The following PLEKHG4B variants were observed in gnomAD, a reference collection of about 807,000 sequenced individuals.
PLEKHG4B encodes pleckstrin homology domain-containing family G member 4B.
A neutral mutation model predicts 121.3 loss-of-function variants in PLEKHG4B; 111 were observed. That is an observed-to-expected ratio of 0.92 (90% CI 0.78 to 1.07). The LOEUF is 1.07. PLEKHG4B is among the 50% of genes least tolerant of loss of function. The pLI, the probability that PLEKHG4B is intolerant of heterozygous loss-of-function variation, is 0.00. For synonymous variants in PLEKHG4B, 738 were observed against 725.0 expected, an observed-to-expected ratio of 1.02 and a Z score of -0.29; for missense variants, 1,831 against 1,757.8, an observed-to-expected ratio of 1.04 and a Z score of -0.74.
In PLEKHG4B at chr5:135,683, ATATATATATAT is replaced by A. The variant is rs1183537648; in HGVS notation, c.244-3799_244-3789del. Among the ~76,000 whole-genome samples, 75 of 16,106 alleles carry A rather than the reference ATATATATATAT, an allele frequency of 4.7e-3. 3 individuals are homozygous for A. The highest frequency in any genetic ancestry group is 0.042 in the Middle Eastern group (1 of 24). The allele number at this position is 16,106 out of a possible 152,430, so 10.6% of individuals were successfully genotyped here. A position where few individuals can be genotyped will look rare whatever the true frequency, so the allele number is the denominator to read the frequency against. ...TCCATCTCAAAAAAAAAAAAAAAAA[ATATATATATAT>A]ATATATATATATATATATATATATA... On this transcript the variant is annotated intron_variant, in intron 2 of 19. Coordinates refer to ENST00000637938, the MANE Select transcript of PLEKHG4B (RefSeq NM_052909.5).
At chr5:121,910 G>T (rs1734481317) in intron 2 of PLEKHG4B, among the ~76,000 whole-genome samples, 1 of 151,568 alleles carries the variant, frequency 6.6e-6, no homozygotes. Flanking sequence ...TACAAGAAAG[G>T]CTAAATACGT....
At chr5:95,330 C>T (rs914685956) in intron 1 of PLEKHG4B, among the ~76,000 whole-genome samples, 1 of 152,048 alleles carries the variant, frequency 6.6e-6, no homozygotes, top group Admixed American at 6.6e-5. Flanking sequence ...ACCCTGTGCC[C>T]GCCCACATCC....
At chr5:152,015 C>T (rs558088824) in intron 7 of PLEKHG4B, among the ~76,000 whole-genome samples, 21 of 152,292 alleles carry the variant, frequency 1.4e-4, no homozygotes, top group African/African-American at 5.1e-4. Context: ...CATCATAATT[C>T]AGATCATTGT....
At chr5:103,852 T>G (rs1469437758) in intron 1 of PLEKHG4B, among the ~76,000 whole-genome samples, 1 of 152,246 alleles carries the variant, frequency 6.6e-6, no homozygotes, top group African/African-American at 2.4e-5. Flanking sequence ...CTTAACTAAC[T>G]TCTTTCCTGT....
Position 156,199 on chromosome 5 carries a change from A to C in PLEKHG4B, c.2337A>C (p.Thr779=). The change falls in exon 10 of 20, where the codon ACA becomes ACC. Residue 779 remains threonine (T), a synonymous_variant. Transcript: ENST00000637938. The surrounding 1 kb of genome is among the most constrained non-coding windows in gnomAD (Gnocchi z 4.4). ...GGCTGAGGAGAGAAGAGCTTGGCAC[A>C]GAAGACAGCCGGTGAGCGCTCACAG... The part of the protein sequence containing the change: ...LARLRREELG[T]EDSRDTLEAA... 1 of 1,535,848 alleles carries C rather than the reference A, an allele frequency of 6.5e-7. No individual in the cohort carries two copies. Among genetic ancestry groups the C allele is most frequent in the Non-Finnish European group, 8.8e-7 (1 of 1,138,428 alleles).
chr5:121,202 G>A (rs926023638), intron 2 of PLEKHG4B, among the ~76,000 whole-genome samples: 4 of 151,722 alleles, frequency 2.6e-5, no homozygotes, highest in East Asian at 1.9e-4. Context: ...AGCCGAGATC[G>A]TGCCACTGCA....
rs1736040458 is a variant in PLEKHG4B at position 162,292 on chromosome 5, TGCGAGCTCCCCC to T, written c.2649+352_2649+363del. On this transcript the variant is annotated intron_variant, in intron 12 of 19. Coordinates refer to ENST00000637938, the MANE Select transcript of PLEKHG4B (RefSeq NM_052909.5). ...TCCCACGCGCCCCAGACCGCACGCC[TGCGAGCTCCCCC>T]GCGCCGGGGACTGCCTGCCATTAGG... 2.7e-4 allele frequency among the ~76,000 whole-genome samples: 32 copies of T among 118,198 alleles called. 1 individual carries two copies. In the South Asian group the frequency reaches 7.4e-3, roughly 27 times the overall value. The allele number at this position is 118,198 out of a possible 152,430, so 77.5% of individuals were successfully genotyped here.
intron 1 of PLEKHG4B, among the ~76,000 whole-genome samples, chr5:111,753 A>C (rs1344215088): frequency 6.6e-6 from 1 of 152,042 alleles, no homozygotes; most frequent in African/African-American, 2.4e-5. Context: ...AGGCCATTCG[A>C]GATGCCTCTC....
At position 143,213 on chromosome 5, in the gene PLEKHG4B, C is replaced by T. The variant is rs571906695; in HGVS notation, c.1644C>T (p.Asp548=). The T allele has an allele frequency of 1.9e-5, 31 of 1,611,156 alleles. No homozygotes were observed. The East Asian group carries it at 4.0e-4, about 21-fold the overall frequency. The change falls in exon 4 of 20, where the codon GAC becomes GAT. Residue 548 remains aspartate (D), a synonymous_variant. Transcript: ENST00000637938. ...FPSQVPKQVL[D]VSQELLQSGV... is the part of the protein sequence containing the mutation. ...GCCAGGTGCCCAAGCAGGTGCTGGA[C>T]GTCAGTCAGGAGCTGCTGCAGTCCG...
At chr5:174,147 G>C in intron 18 of PLEKHG4B, 49 bp downstream of exon 18, 1 of 1,238,092 alleles carries the variant, frequency 8.1e-7, no homozygotes, top group Non-Finnish European at 1.1e-6. Flanking sequence ...GGCACAGCTA[G>C]GGGCAGGGGT....
chr5:182,263 C>A lies in PLEKHG4B; in HGVS notation c.4824C>A (p.Thr1608=). ...DEPEPELETG[T]QAAVCEGAPA... ...CAGAGCCAGAACTAGAGACGGGCAC[C>A]CAGGCTGCAGTGTGTGAGGGGGCTC... Residue 1608 remains threonine (T), a synonymous_variant, in exon 20 of 20, where the codon ACC becomes ACA. Coordinates refer to ENST00000637938, the MANE Select transcript of PLEKHG4B (RefSeq NM_052909.5). 6.2e-7 allele frequency: 1 copy of A among 1,613,176 alleles called. No individual in the cohort carries two copies.
At chr5:135,692 T>C (rs1442593791) in intron 2 of PLEKHG4B, among the ~76,000 whole-genome samples, 1 of 49,308 alleles carries the variant, frequency 2.0e-5, no homozygotes, top group Non-Finnish European at 3.7e-5. Flanking sequence ...AATATATATA[T>C]ATATATATAT....
intron 2 of PLEKHG4B, among the ~76,000 whole-genome samples, chr5:122,997 A>T (rs1734513782): frequency 1.3e-5 from 2 of 152,204 alleles, no homozygotes; most frequent in Non-Finnish European, 2.9e-5. Flanking sequence ...TCATAGAACA[A>T]TTGGAAAAAA....
chr5:92,527 G>GC (rs1553977471), intron 1 of PLEKHG4B, among the ~76,000 whole-genome samples: 5 of 126,388 alleles, frequency 4.0e-5, no homozygotes, highest in African/African-American at 1.6e-4. Context: ...AAGGCGGGCG[G>GC]GCGCGGGGAC....
At chr5:108,358 G>A (rs543507343) in intron 1 of PLEKHG4B, among the ~76,000 whole-genome samples, 4 of 152,272 alleles carry the variant, frequency 2.6e-5, no homozygotes, top group South Asian at 4.2e-4. Flanking sequence ...TACCAACTTC[G>A]GGCCAACGGA....
At chr5:123,066 A>T (rs1472703161) in intron 2 of PLEKHG4B, among the ~76,000 whole-genome samples, 1 of 152,242 alleles carries the variant, frequency 6.6e-6, no homozygotes. Context: ...CCTATTTGAC[A>T]TTTATAGAAC....
chr5:109,976 T>C (rs1267641905), intron 1 of PLEKHG4B, among the ~76,000 whole-genome samples: 2 of 120,118 alleles, frequency 1.7e-5, no homozygotes, highest in African/African-American at 3.2e-5. Context: ...CACACACCGG[T>C]TGCTCTGCAA....
chr5:184,347 C>G lies in PLEKHG4B; in HGVS notation c.*2024C>G, dbSNP rs992057182. ...GAAAATCCTAAAACCAGTCAGAGGACAAGGGCATGTTCTGTTGGGAGGCAC... is the reference window on the plus strand; with the variant it reads ...GAAAATCCTAAAACCAGTCAGAGGAGAAGGGCATGTTCTGTTGGGAGGCAC... On this transcript the variant is annotated 3_prime_UTR_variant, in exon 20 of 20. Coordinates refer to ENST00000637938, the MANE Select transcript of PLEKHG4B (RefSeq NM_052909.5). 6.6e-6 allele frequency: 1 copy of G among 152,210 alleles called. No individual in the cohort carries two copies. The highest frequency in any genetic ancestry group is 2.4e-5 in the African/African-American group (1 of 41,450). The allele number at this position is 152,210 out of a possible 1,614,324, so 9.4% of individuals were successfully genotyped here.
intron 3 of PLEKHG4B, among the ~76,000 whole-genome samples, chr5:142,376 C>G (rs1029233637): frequency 2.0e-5 from 3 of 152,070 alleles, no homozygotes; most frequent in Admixed American, 2.0e-4. Context: ...CCACATACGA[C>G]ACGCACACAG....
Sources: gnomAD v4.1 joint callset for allele counts (sites outside exome capture counted in the v4.1 genomes callset) on GRCh38, gnomAD v4.1.1 for gene constraint, Gnocchi (gnomAD v3.1) non-coding constraint, MANE v1.5 for transcripts, NCBI Gene and HGNC (gene_info 2026-07-23, HGNC 2026-07-21) for gene names.